Variants in CLN6 observed in about 807,000 individuals in gnomAD.
CLN6 encodes ceroid-lipofuscinosis neuronal protein 6.
CLN6 carries 22 observed loss-of-function variants against 33.3 expected under a neutral mutation model. The ratio of observed to expected loss-of-function variants is 0.66; its 90% CI spans 0.47 to 0.94. The LOEUF (loss-of-function observed/expected upper bound fraction) is 0.94, where lower values mean the gene tolerates loss of function less well. Ranked by LOEUF, CLN6 falls within the 40% of genes least tolerant of loss-of-function variation. The pLI, the probability that CLN6 is intolerant of heterozygous loss-of-function variation, is 0.00. For missense variants in CLN6, 387 were observed against 417.1 expected (o/e 0.93, Z 0.63); for synonymous variants, 201 against 174.6 (o/e 1.15, Z -1.19).
intron 3 of CLN6, chr15:68,212,175 A>C (rs2093208104): frequency 5.0e-6 from 2 of 396,676 alleles, no homozygotes; most frequent in Admixed American, 4.0e-5. Context: ...CCTTCAGTGC[A>C]GGAGTCCAGG....
At chr15:68,232,160 A>ATTT (rs5813478), upstream of CLN6, among the ~76,000 whole-genome samples, 277 of 142,432 alleles carry the variant, frequency 1.9e-3, 14 homozygotes, top group East Asian at 9.1e-3. This position sits in a 1 kb window ranked among gnomAD's most constrained non-coding sequence, Gnocchi z 4.7. Flanking sequence ...TGTATCCGAT[A>ATTT]TTTTTTTTTT....
intron 1 of CLN6, among the ~76,000 whole-genome samples, chr15:68,237,291 G>A (rs1427992083): frequency 6.6e-6 from 1 of 150,942 alleles, no homozygotes; most frequent in Admixed American, 6.6e-5. Flanking sequence ...ACCAGCCTGG[G>A]CAACATAGCG....
intron 2 of CLN6, among the ~76,000 whole-genome samples, chr15:68,216,556 T>C (rs2093221125): frequency 6.6e-6 from 1 of 152,236 alleles, no homozygotes; most frequent in Non-Finnish European, 1.5e-5. Flanking sequence ...CGTTATTGAC[T>C]TGCAATTAGT....
chr15:68,215,142 G>A (rs1420370698), intron 2 of CLN6: 1 of 152,236 alleles, frequency 6.6e-6, no homozygotes, highest in Non-Finnish European at 1.5e-5. Flanking sequence ...TCTGTTGATT[G>A]AAAACACACA....
chr15:68,223,306 T>C (rs2093243037), intron 1 of CLN6, among the ~76,000 whole-genome samples: 1 of 152,086 alleles, frequency 6.6e-6, no homozygotes, highest in Admixed American at 6.6e-5. Flanking sequence ...ATGCCTGGCT[T>C]ACTGGAGCCA....
Position 68,220,476 on chromosome 15 carries a change from A to G in CLN6, c.84-1826T>C, listed in dbSNP as rs1479333480. On this transcript the variant is annotated intron_variant, in intron 1 of 6. Coordinates refer to ENST00000249806, the MANE Select transcript of CLN6 (RefSeq NM_017882.3). This position sits in a 1 kb window ranked among gnomAD's most constrained non-coding sequence, Gnocchi z 4.2. ...AAGGGCCAGTGATCTAGACTGGCCCAGTGGGACTTTTCCAACTGCAGGTGA... is the reference window on the plus strand; with the variant it reads ...AAGGGCCAGTGATCTAGACTGGCCCGGTGGGACTTTTCCAACTGCAGGTGA... Among the ~76,000 whole-genome samples, 1 of 152,242 alleles carries G rather than the reference A, an allele frequency of 6.6e-6. No homozygotes were observed. The highest frequency in any genetic ancestry group is 1.5e-5 in the Non-Finnish European group (1 of 68,044).
In CLN6 at chr15:68,242,418, C is replaced by T. The variant is rs1892287503; in HGVS notation, c.179+14272G>A. Among the ~76,000 whole-genome samples, 1 of 151,880 alleles carries T rather than the reference C, an allele frequency of 6.6e-6. No homozygotes were observed. The highest frequency in any genetic ancestry group is 2.1e-4 in the South Asian group (1 of 4,800). ...AAGAATACAAAGGAATGAAGATTGC[C>T]GACAAGATATGGGAAATTGCCTCAA... On this transcript the variant is annotated intron_variant, in intron 1 of 6. Coordinates refer to the CLN6 transcript ENST00000538696. This position sits in a 1 kb window ranked among gnomAD's most constrained non-coding sequence, Gnocchi z 5.0.
intron 1 of CLN6, among the ~76,000 whole-genome samples, chr15:68,235,094 C>G (rs1892206015): frequency 6.6e-6 from 1 of 152,136 alleles, no homozygotes; most frequent in Admixed American, 6.5e-5. Context: ...GTGCTAAACC[C>G]TGATCTCAGT....
At chr15:68,249,030 T>C (rs960656696) in intron 1 of CLN6, among the ~76,000 whole-genome samples, 1 of 152,204 alleles carries the variant, frequency 6.6e-6, no homozygotes, top group African/African-American at 2.4e-5. Context: ...TGAATTGACA[T>C]TTGTGATAAA....
At position 68,220,124 on chromosome 15, in the gene CLN6, G is replaced by C. The variant is rs1034787453; in HGVS notation, c.84-1474C>G. On this transcript the variant is annotated intron_variant, in intron 1 of 6. Coordinates refer to ENST00000249806, the MANE Select transcript of CLN6 (RefSeq NM_017882.3). This position sits in a 1 kb window ranked among gnomAD's most constrained non-coding sequence, Gnocchi z 4.2. ...AGAGTACCCCAGGACAGGGAGGCAAGCTCTTGGGAGAAATCTCATTTTCTA... is the reference window on the plus strand; with the variant it reads ...AGAGTACCCCAGGACAGGGAGGCAACCTCTTGGGAGAAATCTCATTTTCTA... Among the ~76,000 whole-genome samples the C allele has an allele frequency of 6.6e-6, 1 of 152,208 alleles. No homozygotes were observed. The highest frequency in any genetic ancestry group is 2.4e-5 in the African/African-American group (1 of 41,462).
chr15:68,255,955 G>A lies in CLN6; in HGVS notation c.179+735C>T, dbSNP rs565679932. Among the ~76,000 whole-genome samples, 7 of 150,116 alleles carry A rather than the reference G, an allele frequency of 4.7e-5. No homozygotes were observed. The East Asian group carries it at 1.4e-3, about 30-fold the overall frequency. Reference sequence around the variant, plus strand: ...ACTACAGGTGCGGGCCACCATGCCTGGCTAATTAATTTTTGTACAGACAGG... The same window carrying A: ...ACTACAGGTGCGGGCCACCATGCCTAGCTAATTAATTTTTGTACAGACAGG... On this transcript the variant is annotated intron_variant, in intron 1 of 6. Transcript: ENST00000538696.
chr15:68,227,450 A>G lies in CLN6; in HGVS notation c.83+2052T>C, dbSNP rs1362094704. ...AGCACGGATGCAGCAGAGGAAATCC[A>G]AGCATCCTAGGAACTGGACAGGATG... On this transcript the variant is annotated intron_variant, in intron 1 of 6. Coordinates refer to ENST00000249806, the MANE Select transcript of CLN6 (RefSeq NM_017882.3). The surrounding 1 kb of genome is among the most constrained non-coding windows in gnomAD (Gnocchi z 4.1). 1.3e-5 allele frequency among the ~76,000 whole-genome samples: 2 copies of G among 152,252 alleles called. No individual in the cohort carries two copies. The highest frequency in any genetic ancestry group is 2.9e-5 in the Non-Finnish European group (2 of 68,044).
chr15:68,240,861 G>T (rs1892274005), intron 1 of CLN6, among the ~76,000 whole-genome samples: 1 of 151,608 alleles, frequency 6.6e-6, no homozygotes, highest in South Asian at 2.1e-4. Flanking sequence ...GTGGGTGCCT[G>T]TAATCCCAGC....
intron 1 of CLN6, chr15:68,254,921 A>C: frequency 9.1e-7 from 1 of 1,099,812 alleles, no homozygotes; most frequent in East Asian, 2.4e-5. Context: ...TGCATTTTTG[A>C]TAACTGTGTA....
intron 1 of CLN6, among the ~76,000 whole-genome samples, chr15:68,225,471 G>T (rs1291512506): frequency 2.6e-5 from 4 of 152,094 alleles, no homozygotes; most frequent in African/African-American, 9.7e-5. Flanking sequence ...TAGGGTAGGG[G>T]ACTAATATCA....
Position 68,229,520 on chromosome 15 carries a change from G to GCGCCCAGCTGCGCGCCTGGGC in CLN6, c.44_64dup (p.Gly15_Gly21dup). On this transcript the variant is annotated inframe_insertion, in exon 1 of 7. Transcript: ENST00000249806. Reference sequence around the variant, plus strand: ...CGCCCACCTGGCCTGCAGGAAGGAGGCGCCCAGCTGCGCGCCTGGGCCGCC... The same window carrying GCGCCCAGCTGCGCGCCTGGGC: ...CGCCCACCTGGCCTGCAGGAAGGAGGCGCCCAGCTGCGCGCCTGGGCCGCCCAGCTGCGCGCCTGGGCCGCC... 1.4e-6 allele frequency: 2 copies of GCGCCCAGCTGCGCGCCTGGGC among 1,466,464 alleles called. No homozygotes were observed. The highest frequency in any genetic ancestry group is 1.8e-6 in the Non-Finnish European group (2 of 1,114,138). The allele number at this position is 1,466,464 out of a possible 1,614,324, so 90.8% of individuals were successfully genotyped here. A position where few individuals can be genotyped will look rare whatever the true frequency, so the allele number is the denominator to read the frequency against.
intron 1 of CLN6, among the ~76,000 whole-genome samples, chr15:68,248,859 GATAGCCCAA>G (rs1892351219): frequency 6.6e-6 from 1 of 152,068 alleles, no homozygotes; most frequent in African/African-American, 2.4e-5. Context: ...ACTAAGAGGA[GATAGCCCAA>G]AGAATAGGAG....
chr15:68,250,926 T>C (rs999017479), intron 1 of CLN6, among the ~76,000 whole-genome samples: 2 of 152,224 alleles, frequency 1.3e-5, no homozygotes, highest in African/African-American at 4.8e-5. Context: ...GCATACTTCT[T>C]AACTCTGTAT....
Position 68,248,509 on chromosome 15 carries a change from C to T in CLN6, c.179+8181G>A, listed in dbSNP as rs187994262. 616 of 152,094 alleles carry T rather than the reference C, an allele frequency of 4.1e-3. 3 individuals carry two copies. Among genetic ancestry groups the T allele is most frequent in the South Asian group, 0.019 (93 of 4,794 alleles). 9.4% of individuals were successfully genotyped at this position (152,094 alleles called of 1,614,324 possible). On this transcript the variant is annotated intron_variant, in intron 1 of 6. Coordinates refer to the CLN6 transcript ENST00000538696. Reference sequence around the variant, plus strand: ...AAAAAGAAAAATACAAAAAATTAGCCGGGCGTGGTGGCGGGTGCCTGTAGT... The same window carrying T: ...AAAAAGAAAAATACAAAAAATTAGCTGGGCGTGGTGGCGGGTGCCTGTAGT...
Sources: allele counts gnomAD v4.1 joint callset (sites outside exome capture counted in the v4.1 genomes callset), GRCh38; gene constraint gnomAD v4.1.1; non-coding constraint Gnocchi (gnomAD v3.1); transcripts MANE v1.5; gene names NCBI Gene and HGNC (gene_info 2026-07-23, HGNC 2026-07-21).